The following AOPEP variants were observed in gnomAD, a reference collection of about 807,000 sequenced individuals.
AOPEP encodes aminopeptidase O.
AOPEP carries 77 observed loss-of-function variants against 98.1 expected under a neutral mutation model. The ratio of observed to expected loss-of-function variants is 0.78; its 90% CI spans 0.65 to 0.95. The LOEUF is 0.95. Among genes scored for constraint, AOPEP ranks in the 40% least tolerant of loss-of-function variants. The probability of loss-of-function intolerance (pLI) is 0.00; values close to 1 mark genes in which losing one functional copy is unlikely to be tolerated. For missense variants in AOPEP, 1,024 were observed against 1,024.7 expected (o/e 1.00, Z 0.01); for synonymous variants, 346 against 365.3 (o/e 0.95, Z 0.60).
chr9:94,960,906 G>C (rs528703873), intron 9 of AOPEP, among the ~76,000 whole-genome samples: 33 of 152,128 alleles, frequency 2.2e-4, no homozygotes, highest in African/African-American at 7.7e-4. Flanking sequence ...CAGCTACTCG[G>C]GAGGCTGAGG....
At chr9:94,863,212 C>G (rs927413362) in intron 5 of AOPEP, among the ~76,000 whole-genome samples, 3 of 151,772 alleles carry the variant, frequency 2.0e-5, no homozygotes, top group African/African-American at 4.8e-5. Flanking sequence ...ATTTCTTTCT[C>G]TCCTCTCCCC....
At chr9:94,885,953 G>A (rs969269623) in intron 5 of AOPEP, among the ~76,000 whole-genome samples, 55 of 152,236 alleles carry the variant, frequency 3.6e-4, no homozygotes, top group African/African-American at 1.3e-3. Context: ...CCAGAAGATC[G>A]CAGAGTTCTC....
intron 7 of AOPEP, chr9:94,934,889 C>T (rs1214332963): frequency 1.3e-5 from 2 of 152,326 alleles, no homozygotes; most frequent in Non-Finnish European, 2.9e-5. Flanking sequence ...TGCGTGTCCT[C>T]CCAGAGTGGT....
chr9:94,732,248 T>TA (rs1830718896), intron 1 of AOPEP, among the ~76,000 whole-genome samples: 1 of 944 alleles, frequency 1.1e-3, no homozygotes. Context: ...TTCAGTCAAC[T>TA]TTTTTTTTTT....
chr9:95,124,315 A>C, the AOPEP span, among the ~76,000 whole-genome samples: 231 of 152,224 alleles, frequency 1.5e-3, no homozygotes, highest in Middle Eastern at 3.4e-3. Flanking sequence ...TGTGTCCCAT[A>C]AACATTACTT....
intron 13 of AOPEP, among the ~76,000 whole-genome samples, chr9:95,043,888 G>A (rs990618390): frequency 3.3e-5 from 5 of 152,112 alleles, no homozygotes; most frequent in African/African-American, 1.2e-4. Context: ...AAACTCGTGG[G>A]CCCACATGAT....
intron 5 of AOPEP, among the ~76,000 whole-genome samples, chr9:94,893,146 C>T (rs1030762250): frequency 3.3e-5 from 5 of 152,166 alleles, no homozygotes; most frequent in African/African-American, 7.2e-5. Flanking sequence ...AAGACTGTGA[C>T]GTGGTAGAAT....
At position 95,015,911 on chromosome 9, in the gene AOPEP, A is replaced by G. The variant is rs941968274; in HGVS notation, c.2115+10295A>G. ...GAGACAGGGTTGCACCATGTTGGCC[A>G]GGGTGGTCTCGAACTCCTGACCTCA... On this transcript the variant is annotated intron_variant, in intron 13 of 16. Transcript: ENST00000375315. Among the ~76,000 whole-genome samples the G allele has an allele frequency of 1.2e-4, 18 of 152,278 alleles. 1 individual carries two copies. In the East Asian group the frequency reaches 2.5e-3, roughly 21 times the overall value.
At chr9:94,739,676 A>T (rs1179777749) in intron 1 of AOPEP, among the ~76,000 whole-genome samples, 1 of 151,684 alleles carries the variant, frequency 6.6e-6, no homozygotes, top group Non-Finnish European at 1.5e-5. Flanking sequence ...TGGAGTGTTT[A>T]CAATTGTAGT....
intron 10 of AOPEP, among the ~76,000 whole-genome samples, chr9:94,971,699 T>G (rs993402577): frequency 1.3e-5 from 2 of 152,318 alleles, no homozygotes; most frequent in Middle Eastern, 3.4e-3. Flanking sequence ...TTGCTTTGAT[T>G]TACTCAACAT....
At chr9:95,029,910 A>T (rs569293541) in intron 13 of AOPEP, among the ~76,000 whole-genome samples, 18 of 152,294 alleles carry the variant, frequency 1.2e-4, no homozygotes, top group Non-Finnish European at 2.6e-4. Flanking sequence ...CTGGGAGTCC[A>T]GTTCATGTTG....
chr9:95,080,542 T>C lies in AOPEP; in HGVS notation c.2233-152T>C, dbSNP rs1284072967. 32 of 600,096 alleles carry C rather than the reference T, an allele frequency of 5.3e-5. No individual in the cohort carries two copies. In the East Asian group the frequency reaches 8.1e-4, roughly 15 times the overall value. The allele number at this position is 600,096 out of a possible 1,614,324, so 37.2% of individuals were successfully genotyped here. On this transcript the variant is annotated intron_variant, in intron 14 of 16. Coordinates refer to ENST00000375315, the MANE Select transcript of AOPEP (RefSeq NM_001193329.3). Reference sequence around the variant, plus strand: ...AAGAAAATAAAAAGTAAAAAAAATATACTAAAAGAAAATGTAAAACTAAGT... The same window carrying C: ...AAGAAAATAAAAAGTAAAAAAAATACACTAAAAGAAAATGTAAAACTAAGT...
chr9:94,766,500 G>C (rs2132647880), intron 2 of AOPEP, among the ~76,000 whole-genome samples: 1 of 152,304 alleles, frequency 6.6e-6, no homozygotes, highest in Admixed American at 6.5e-5. Context: ...TCGCGCCACT[G>C]CACTCCAGCC....
Position 95,086,810 on chromosome 9 carries a change from C to G in AOPEP, c.*133C>G, listed in dbSNP as rs925788440. ...CATCGGCCCACAGCCCTGTTCACAT[C>G]TTGGTGCTTCTCTTTCCCAGAGGCT... is the stretch of plus-strand genomic sequence containing the variant. On this transcript the variant is annotated 3_prime_UTR_variant, in exon 17 of 17. Transcript: ENST00000375315. 5.9e-5 allele frequency: 58 copies of G among 987,862 alleles called. No individual in the cohort carries two copies. Among genetic ancestry groups the G allele is most frequent in the Non-Finnish European group, 6.9e-5 (57 of 830,124 alleles). The allele number at this position is 987,862 out of a possible 1,614,324, so 61.2% of individuals were successfully genotyped here.
chr9:94,845,577 C>A (rs570545700), intron 5 of AOPEP, among the ~76,000 whole-genome samples: 1 of 152,206 alleles, frequency 6.6e-6, no homozygotes, highest in Admixed American at 6.5e-5. Context: ...ATAGAGAAAT[C>A]TACATGCGAG....
At chr9:95,150,116 A>C in the AOPEP span, 1 of 1,612,880 alleles carries the variant, frequency 6.2e-7, no homozygotes, top group Non-Finnish European at 8.5e-7. Flanking sequence ...ATAATCACTC[A>C]AATCTAAGAG....
rs568039239 is a variant in AOPEP, at chr9:94,845,290, A to T, written c.1364+44288A>T. Among the ~76,000 whole-genome samples the T allele has an allele frequency of 5.3e-5, 8 of 152,338 alleles. No homozygotes were observed. In the South Asian group the frequency reaches 1.7e-3, roughly 32 times the overall value. On this transcript the variant is annotated intron_variant, in intron 5 of 16. Coordinates refer to ENST00000375315, the MANE Select transcript of AOPEP (RefSeq NM_001193329.3). ...CCCCCGAGGTGGGAAGCACTTTGCA[A>T]GCTGGGAGAACTGCAGGAAGGCCAG... is the stretch of plus-strand genomic sequence containing the variant.
chr9:94,843,168 ATC>A (rs1257615958), intron 5 of AOPEP, among the ~76,000 whole-genome samples: 1 of 152,104 alleles, frequency 6.6e-6, no homozygotes, highest in African/African-American at 2.4e-5. Context: ...AGAAACGCTG[ATC>A]TCTCTCCCAT....
the AOPEP span, chr9:95,101,975 C>CAAAGT: frequency 9.2e-7 from 1 of 1,083,820 alleles, no homozygotes; most frequent in Non-Finnish European, 1.4e-6. Context: ...CCATCAGTTC[C>CAAAGT]AAAGTAAAGC....
Sources: gnomAD v4.1 joint callset for allele counts (sites outside exome capture counted in the v4.1 genomes callset) on GRCh38, gnomAD v4.1.1 for gene constraint, MANE v1.5 for transcripts, NCBI Gene and HGNC (gene_info 2026-07-23, HGNC 2026-07-21) for gene names.